VPS35L: variants seen among roughly 807,000 people sequenced by gnomAD.
VPS35L encodes VPS35 endosomal protein-sorting factor-like.
In VPS35L, 83 loss-of-function variants were observed where a neutral mutation model predicts 133.0. That is an observed-to-expected ratio of 0.62 (90% CI 0.52 to 0.75). The LOEUF (loss-of-function observed/expected upper bound fraction) is 0.75. VPS35L is among the 30% of genes least tolerant of loss of function. The pLI, the probability that VPS35L is intolerant of heterozygous loss-of-function variation, is 0.00. For synonymous variants in VPS35L, 423 were observed against 449.9 expected, an observed-to-expected ratio of 0.94 and a Z score of 0.76; for missense variants, 1,083 against 1,206.8, an observed-to-expected ratio of 0.90 and a Z score of 1.52.
At chr16:19,583,236 T>C (rs1030208839) in intron 7 of VPS35L, among the ~76,000 whole-genome samples, 5 of 152,148 alleles carry the variant, frequency 3.3e-5, no homozygotes, top group African/African-American at 1.2e-4. Flanking sequence ...CCCGAGCCTG[T>C]CTGTAATCAA....
At chr16:19,632,851 A>C (rs1051604212) in intron 18 of VPS35L, among the ~76,000 whole-genome samples, 1 of 152,264 alleles carries the variant, frequency 6.6e-6, no homozygotes, top group Non-Finnish European at 1.5e-5. Flanking sequence ...AAGCAGAGAC[A>C]ATGTAAAGCC....
In VPS35L at chr16:19,593,768, T is replaced by G. The variant is rs226863; in HGVS notation, c.724+1894T>G. Among the ~76,000 whole-genome samples, 817 of 152,038 alleles carry G rather than the reference T, an allele frequency of 5.4e-3. 5 individuals are homozygous for G. Among genetic ancestry groups the G allele is most frequent in the Middle Eastern group, 0.017 (5 of 294 alleles). On this transcript the variant is annotated intron_variant, in intron 8 of 30. Coordinates refer to ENST00000417362, the MANE Select transcript of VPS35L (RefSeq NM_020314.7). ...CCCGTCTCTACTAAAAATACAAAAA[T>G]TAGCTGGGTGTTGTGGTGCACACCT...
intron 4 of VPS35L, among the ~76,000 whole-genome samples, chr16:19,574,600 CT>C (rs541596928): frequency 3.1e-3 from 446 of 144,362 alleles, no homozygotes; most frequent in Middle Eastern, 3.6e-3. Flanking sequence ...TAAATTGAGT[CT>C]TTTTTTTTTT....
intron 22 of VPS35L, among the ~76,000 whole-genome samples, chr16:19,643,956 C>T (rs1597389077): frequency 1.3e-5 from 2 of 152,178 alleles, no homozygotes; most frequent in East Asian, 3.9e-4. Flanking sequence ...GAAACTCCAT[C>T]TCAAAACAAA....
At chr16:19,583,859 T>C (rs1369788860) in intron 7 of VPS35L, among the ~76,000 whole-genome samples, 1 of 152,184 alleles carries the variant, frequency 6.6e-6, no homozygotes, top group Non-Finnish European at 1.5e-5. Flanking sequence ...ACCTCTTTGT[T>C]CTCCCCTTGC....
chr16:19,579,953 A>G (rs1971656344), intron 6 of VPS35L: 1 of 151,784 alleles, frequency 6.6e-6, no homozygotes, highest in African/African-American at 2.4e-5. Flanking sequence ...TAATCCCAGC[A>G]CTTTAGGAGA....
At chr16:19,684,813 T>C (rs902767809) in intron 28 of VPS35L, among the ~76,000 whole-genome samples, 1 of 152,088 alleles carries the variant, frequency 6.6e-6, no homozygotes. Flanking sequence ...TCCCAGCACT[T>C]TGGGGGGCAG....
At chr16:19,689,709 C>T (rs1975598774) in intron 28 of VPS35L, among the ~76,000 whole-genome samples, 1 of 152,164 alleles carries the variant, frequency 6.6e-6, no homozygotes, top group South Asian at 2.1e-4. Context: ...CACTTCGTCC[C>T]ACCCAGGATA....
chr16:19,605,847 G>A (rs1280706430), intron 9 of VPS35L, among the ~76,000 whole-genome samples: 2 of 151,646 alleles, frequency 1.3e-5, no homozygotes, highest in South Asian at 2.1e-4. Flanking sequence ...TTCCTGTTTA[G>A]CATTTGTCTC....
At chr16:19,637,725 T>A in intron 20 of VPS35L, 69 bp downstream of exon 20, 1 of 1,112,832 alleles carries the variant, frequency 9.0e-7, no homozygotes, top group Non-Finnish European at 1.3e-6. Context: ...GTCTCAGTAA[T>A]GTTTTCATGA....
intron 27 of VPS35L, among the ~76,000 whole-genome samples, chr16:19,677,169 G>A (rs1033838517): frequency 2.0e-5 from 3 of 151,592 alleles, no homozygotes; most frequent in Non-Finnish European, 4.4e-5. Context: ...AGGTTCAAGC[G>A]ATTCTCTTGC....
chr16:19,608,171 A>G lies in VPS35L; in HGVS notation c.785-7A>G. 2 of 1,607,672 alleles carry G rather than the reference A, an allele frequency of 1.2e-6. No individual in the cohort carries two copies. The highest frequency in any genetic ancestry group is 1.3e-5 in the African/African-American group (1 of 74,766). ...AGGGCTGATGGATCTTGTTTTTTGT[A>G]TTACAGATCACTTTTCTCCAGAGAA... On this transcript the variant is annotated splice_region_variant and splice_polypyrimidine_tract_variant and intron_variant, in intron 9 of 30. Transcript: ENST00000417362.
chr16:19,556,004 C>T (rs1567376115), intron 1 of VPS35L, among the ~76,000 whole-genome samples: 1 of 152,152 alleles, frequency 6.6e-6, no homozygotes, highest in South Asian at 2.1e-4. Flanking sequence ...CATTCATTCC[C>T]TAAAGAAAAC....
intron 12 of VPS35L, among the ~76,000 whole-genome samples, chr16:19,611,537 C>T (rs1972720195): frequency 1.3e-5 from 2 of 152,140 alleles, no homozygotes; most frequent in South Asian, 4.1e-4. Flanking sequence ...TGTGATTTGC[C>T]TCTTCTGCAT....
At chr16:19,651,848 A>C (rs1334970760) in intron 25 of VPS35L, 128 bp from the exon 26 acceptor site, 8 of 724,032 alleles carry the variant, frequency 1.1e-5, no homozygotes, top group Non-Finnish European at 2.4e-6. Context: ...AGAGGGGAAA[A>C]TGGGGCTCAG....
In VPS35L at chr16:19,682,289, C is replaced by T. The variant is rs1005091420; in HGVS notation, c.2426C>T (p.Thr809Ile). The change falls in exon 28 of 31, where the codon ACC becomes ATC. Residue 809 changes from threonine to isoleucine, a missense_variant. By Grantham distance (89) the Thr-to-Ile change is moderately conservative. Transcript: ENST00000417362. ...RELLNVIQDY[T>I]WEDNSDEKIR... Reference sequence around the variant, plus strand: ...CTTCTCAACGTGATCCAGGACTACACCTGGGAGGACAACAGCGATGAGAAA... The same window carrying T: ...CTTCTCAACGTGATCCAGGACTACATCTGGGAGGACAACAGCGATGAGAAA... 1.2e-6 allele frequency: 2 copies of T among 1,614,102 alleles called. No individual in the cohort carries two copies. Among genetic ancestry groups the T allele is most frequent in the Non-Finnish European group, 1.7e-6 (2 of 1,180,038 alleles).
chr16:19,680,564 G>C (rs1975236223), intron 27 of VPS35L, among the ~76,000 whole-genome samples: 1 of 152,184 alleles, frequency 6.6e-6, no homozygotes, highest in South Asian at 2.1e-4. Flanking sequence ...TTGTTGGGCA[G>C]GTCATTGAAG....
intron 6 of VPS35L, among the ~76,000 whole-genome samples, chr16:19,580,897 T>C (rs1971687853): frequency 6.6e-6 from 1 of 152,214 alleles, no homozygotes; most frequent in Admixed American, 6.5e-5. Context: ...GTTCCTCAGT[T>C]GGTTCCTGTC....
intron 26 of VPS35L, among the ~76,000 whole-genome samples, chr16:19,653,108 A>AT: frequency 6.6e-6 from 1 of 152,154 alleles, no homozygotes; most frequent in Non-Finnish European, 1.5e-5. Flanking sequence ...AAGACAGGTG[A>AT]TTTTCCCTTT....
Sources: gnomAD v4.1 joint callset for allele counts (sites outside exome capture counted in the v4.1 genomes callset) on GRCh38, gnomAD v4.1.1 for gene constraint, MANE v1.5 for transcripts, NCBI Gene and HGNC (gene_info 2026-07-23, HGNC 2026-07-21) for gene names.